The following SMAD9 variants were observed in gnomAD, a reference collection of about 807,000 sequenced individuals.
SMAD9 encodes SMAD family member 9.
In SMAD9, 36 loss-of-function variants were observed where a neutral mutation model predicts 46.1. The observed-to-expected ratio is 0.78, with a 90% CI of 0.60 to 1.03. The LOEUF (loss-of-function observed/expected upper bound fraction) is 1.03, where lower values mean the gene tolerates loss of function less well. SMAD9 is among the 50% of genes least tolerant of loss of function. SMAD9 has a pLI of 0.00. For missense variants in SMAD9, 572 were observed against 599.8 expected (o/e 0.95, Z 0.48); for synonymous variants, 245 against 237.1 (o/e 1.03, Z -0.31).
At chr13:36,852,299 G>C (rs1161807304) in intron 6 of SMAD9, 1 of 984,044 alleles carries the variant, frequency 1.0e-6, no homozygotes, top group Non-Finnish European at 1.2e-6. Flanking sequence ...AACAAGCCAT[G>C]CTGATTCCCT....
intron 3 of SMAD9, among the ~76,000 whole-genome samples, chr13:36,869,592 G>A (rs1173423308): frequency 1.3e-5 from 2 of 152,044 alleles, no homozygotes; most frequent in Non-Finnish European, 2.9e-5. Context: ...CAGCACTTTC[G>A]GAGGCCGAGG....
At chr13:36,873,457 C>T (rs920325259) in intron 2 of SMAD9, among the ~76,000 whole-genome samples, 3 of 152,116 alleles carry the variant, frequency 2.0e-5, no homozygotes, top group Non-Finnish European at 4.4e-5. Flanking sequence ...TTCAGTAGTG[C>T]CACTGAAATA....
At chr13:36,874,155 G>C (rs1215816718) in intron 2 of SMAD9, among the ~76,000 whole-genome samples, 1 of 152,136 alleles carries the variant, frequency 6.6e-6, no homozygotes, top group African/African-American at 2.4e-5. Flanking sequence ...AATACAAGGG[G>C]GAAGTGGTCT....
chr13:36,919,928 G>A (rs1412943863), intron 1 of SMAD9, among the ~76,000 whole-genome samples, 188 bp downstream of exon 1: 1 of 144,792 alleles, frequency 6.9e-6, no homozygotes, highest in Non-Finnish European at 1.5e-5. Flanking sequence ...AGGCTGCCCC[G>A]AGGACGAACA....
chr13:36,858,534 G>A (rs1378837224), intron 5 of SMAD9, among the ~76,000 whole-genome samples: 1 of 152,126 alleles, frequency 6.6e-6, no homozygotes, highest in African/African-American at 2.4e-5. Context: ...GCTTGTTTGG[G>A]TCCAACTGTA....
rs1290813660 is a variant in SMAD9 at position 36,848,733 on chromosome 13, C to T, written c.1347G>A (p.Leu449=). 3 of 1,613,760 alleles carry T rather than the reference C, an allele frequency of 1.9e-6. No individual in the cohort carries two copies. Among genetic ancestry groups the T allele is most frequent in the Non-Finnish European group, 2.5e-6 (3 of 1,179,810 alleles). Residue 449 remains leucine (L), a synonymous_variant, in exon 7 of 7, where the codon CTG becomes CTA. Transcript: ENST00000379826. ...EIHLHGPLQW[L]DKVLTQMGSP... is the part of the protein sequence containing the mutation. ...AGCCCATCTGAGTCAGAACTTTGTC[C>T]AGCCACTGCAGTGGCCCATGAAGAT...
intron 1 of SMAD9, among the ~76,000 whole-genome samples, chr13:36,919,832 C>T (rs2058728511): frequency 6.7e-6 from 1 of 149,162 alleles, no homozygotes; most frequent in South Asian, 2.2e-4. Context: ...CACCCCACCC[C>T]ACCCCACTCC....
chr13:36,920,494 AC>A, upstream of SMAD9: 1 of 150,394 alleles, frequency 6.6e-6, no homozygotes, highest in Non-Finnish European at 1.5e-5. Context: ...CCTCTTCCCC[AC>A]CCCCAGCCCC....
chr13:36,881,476 C>A (rs1166562422), intron 1 of SMAD9, among the ~76,000 whole-genome samples: 1 of 152,326 alleles, frequency 6.6e-6, no homozygotes, highest in South Asian at 2.1e-4. Flanking sequence ...TATAACCCCC[C>A]GCTAGGGTGA....
chr13:36,846,329 A>G lies in SMAD9; in HGVS notation c.*2347T>C, dbSNP rs1235187412. 1 of 151,624 alleles carries G rather than the reference A, an allele frequency of 6.6e-6. No homozygotes were observed. Among genetic ancestry groups the G allele is most frequent in the Non-Finnish European group, 1.5e-5 (1 of 67,930 alleles). The allele number at this position is 151,624 out of a possible 1,614,324, so 9.4% of individuals were successfully genotyped here. A position where few individuals can be genotyped will look rare whatever the true frequency, so the allele number is the denominator to read the frequency against. ...AACCCCGTCTCTACTAAAAATATAAAAATTAGCTGGGCGTGGTAGCCTGTA... is the reference window on the plus strand; with the variant it reads ...AACCCCGTCTCTACTAAAAATATAAGAATTAGCTGGGCGTGGTAGCCTGTA... On this transcript the variant is annotated 3_prime_UTR_variant, in exon 7 of 7. Transcript: ENST00000379826.
At chr13:36,875,381 T>C (rs1313338143) in intron 2 of SMAD9, among the ~76,000 whole-genome samples, 1 of 151,942 alleles carries the variant, frequency 6.6e-6, no homozygotes, top group African/African-American at 2.4e-5. Flanking sequence ...AAATAAAAGG[T>C]TTTAAACTAA....
chr13:36,905,172 T>C (rs1454604202), intron 1 of SMAD9, among the ~76,000 whole-genome samples: 2 of 152,130 alleles, frequency 1.3e-5, no homozygotes, highest in African/African-American at 4.8e-5. Flanking sequence ...ATCCTACAAG[T>C]TGGAGGACAG....
At chr13:36,919,643 C>G (rs1040235956) in intron 1 of SMAD9, among the ~76,000 whole-genome samples, 2 of 151,298 alleles carry the variant, frequency 1.3e-5, no homozygotes, top group Middle Eastern at 3.5e-3. Flanking sequence ...ACCCCTCAGG[C>G]GCCTATCCTG....
At chr13:36,894,451 T>G (rs9547691) in intron 1 of SMAD9, among the ~76,000 whole-genome samples, 2 of 152,026 alleles carry the variant, frequency 1.3e-5, no homozygotes, top group African/African-American at 4.8e-5. Context: ...TTAAGCCTCT[T>G]TTTCTTTATA....
intron 1 of SMAD9, among the ~76,000 whole-genome samples, chr13:36,909,935 C>T (rs963953681): frequency 5.9e-5 from 9 of 152,168 alleles, no homozygotes; most frequent in Non-Finnish European, 1.2e-4. Context: ...CAGTGGCTCA[C>T]GCCTGTAATC....
At chr13:36,879,162 T>TCTCC in intron 2 of SMAD9, 116 bp downstream of exon 2, 5 of 870,598 alleles carry the variant, frequency 5.7e-6, no homozygotes, top group Non-Finnish European at 8.9e-6. Context: ...CTCTCCTCTC[T>TCTCC]TCTCTCTCTC....
chr13:36,852,234 T>C (rs2058080445), intron 6 of SMAD9: 1 of 903,764 alleles, frequency 1.1e-6, no homozygotes, highest in African/African-American at 1.8e-5. Flanking sequence ...AGAAAAATTA[T>C]TTGTCATGGT....
At chr13:36,864,076 C>T (rs1469927805) in intron 5 of SMAD9, among the ~76,000 whole-genome samples, 1 of 152,220 alleles carries the variant, frequency 6.6e-6, no homozygotes, top group African/African-American at 2.4e-5. Context: ...CAAACTGCTT[C>T]ACAACATTAT....
intron 1 of SMAD9, among the ~76,000 whole-genome samples, chr13:36,918,657 T>C (rs1244522831): frequency 1.3e-5 from 2 of 152,238 alleles, no homozygotes; most frequent in African/African-American, 2.4e-5. Flanking sequence ...GTGCTGATGC[T>C]TTCCTACAAG....
Sources: allele counts gnomAD v4.1 joint callset (sites outside exome capture counted in the v4.1 genomes callset), GRCh38; gene constraint gnomAD v4.1.1; transcripts MANE v1.5; gene names NCBI Gene and HGNC (gene_info 2026-07-23, HGNC 2026-07-21).